MGST2: variants seen among roughly 807,000 people sequenced by gnomAD.
The protein encoded by MGST2 is glutathione peroxidase MGST2.
A neutral mutation model predicts 16.6 loss-of-function variants in MGST2; 9 were observed. That is an observed-to-expected ratio of 0.54 (90% CI 0.33 to 0.95). MGST2 has a LOEUF of 0.95. Among genes scored for constraint, MGST2 ranks in the 40% least tolerant of loss-of-function variants. MGST2 has a pLI of 0.03. For missense variants in MGST2, 159 were observed against 175.1 expected (o/e 0.91, Z 0.52); for synonymous variants, 79 against 68.0 (o/e 1.16, Z -0.79).
intron 1 of MGST2, among the ~76,000 whole-genome samples, chr4:139,677,360 C>T (rs985812361): frequency 1.1e-4 from 17 of 152,162 alleles, no homozygotes; most frequent in Non-Finnish European, 2.4e-4. Flanking sequence ...GTAACATGTA[C>T]ATTGGTTTGG....
At chr4:139,752,072 T>A in the MGST2 span, among the ~76,000 whole-genome samples, 1 of 152,196 alleles carries the variant, frequency 6.6e-6, no homozygotes, top group African/African-American at 2.4e-5. Context: ...ACTTTGGGAT[T>A]CGAATTCTAA....
chr4:139,698,152 G>A (rs1366072933), intron 3 of MGST2: 10 of 1,539,882 alleles, frequency 6.5e-6, no homozygotes, highest in South Asian at 4.5e-5. Flanking sequence ...TCTTAAGCAC[G>A]TTCTCCACGT....
the MGST2 span, among the ~76,000 whole-genome samples, chr4:139,748,415 G>A: frequency 6.6e-6 from 1 of 152,204 alleles, no homozygotes; most frequent in Non-Finnish European, 1.5e-5. Context: ...GGAAAGAAGT[G>A]GAGCTCAGAT....
At chr4:139,718,496 CAGA>C (rs905035629) in intron 5 of MGST2, 115 of 152,386 alleles carry the variant, frequency 7.5e-4, no homozygotes, top group African/African-American at 2.7e-3. Context: ...CTGCGGCCGC[CAGA>C]AGTAGATGTG....
At chr4:139,723,272 G>A (rs899046930) in intron 5 of MGST2, among the ~76,000 whole-genome samples, 1 of 152,160 alleles carries the variant, frequency 6.6e-6, no homozygotes, top group Non-Finnish European at 1.5e-5. Context: ...TCTCTGGATG[G>A]TGGGATTTCA....
chr4:139,731,947 A>C (rs1266765406), intron 5 of MGST2, among the ~76,000 whole-genome samples: 8 of 152,222 alleles, frequency 5.3e-5, no homozygotes, highest in African/African-American at 1.9e-4. Context: ...ACTACCTAGC[A>C]GTGGCAAGTA....
intron 3 of MGST2, among the ~76,000 whole-genome samples, chr4:139,699,991 C>CA (rs1210721079): frequency 1.3e-5 from 2 of 152,032 alleles, no homozygotes; most frequent in African/African-American, 4.8e-5. Flanking sequence ...ATGACAGTGC[C>CA]ACTGCACTCC....
downstream of MGST2, among the ~76,000 whole-genome samples, chr4:139,704,713 G>A (rs1286656741): frequency 6.6e-6 from 1 of 152,172 alleles, no homozygotes; most frequent in African/African-American, 2.4e-5. Context: ...ACAAGGTCAG[G>A]AGATCGAGAC....
intron 2 of MGST2, among the ~76,000 whole-genome samples, chr4:139,689,552 G>A (rs1726449476): frequency 6.6e-6 from 1 of 152,206 alleles, no homozygotes; most frequent in Admixed American, 6.5e-5. Flanking sequence ...TCCAAAGTCA[G>A]AAGACCAAGG....
chr4:139,730,267 T>C (rs1453022430), intron 5 of MGST2: 1 of 707,630 alleles, frequency 1.4e-6, no homozygotes, highest in African/African-American at 1.8e-5. Context: ...AAGGTCTAAA[T>C]TCTTCAGGTT....
intron 2 of MGST2, among the ~76,000 whole-genome samples, chr4:139,691,044 G>C (rs1726546198): frequency 6.6e-6 from 1 of 152,154 alleles, no homozygotes; most frequent in South Asian, 2.1e-4. Context: ...TCAGTCCCAG[G>C]CAAACCAAGA....
chr4:139,704,343 G>A (rs1727434314), downstream of MGST2: 6 of 643,272 alleles, frequency 9.3e-6, no homozygotes, highest in Non-Finnish European at 1.6e-5. Context: ...ATCATCAGTG[G>A]AAGTGTGTTG....
intron 5 of MGST2, among the ~76,000 whole-genome samples, chr4:139,709,379 G>A (rs1017469712): frequency 6.6e-6 from 1 of 151,980 alleles, no homozygotes; most frequent in Non-Finnish European, 1.5e-5. Context: ...CATCACGCCC[G>A]GCCAGACAAT....
rs979087517 is a variant in MGST2, at chr4:139,735,625, C to A, written c.*49-4587C>A. Among the ~76,000 whole-genome samples the A allele has an allele frequency of 1.3e-5, 2 of 152,230 alleles. No individual in the cohort carries two copies. The highest frequency in any genetic ancestry group is 4.8e-5 in the African/African-American group (2 of 41,458). The stretch of plus-strand genomic sequence containing the variant: ...CCGCTGCTTCGGCTCAGAGTCCTTG[C>A]AATCGCTTGGCCTACGAACAACCTA... On this transcript the variant is annotated intron_variant, in intron 5 of 5. Transcript: ENST00000616265. This position sits in a 1 kb window ranked among gnomAD's most constrained non-coding sequence, Gnocchi z 5.8.
At chr4:139,691,697 G>GATTATTATTATTATTATT (rs3841989) in intron 2 of MGST2, among the ~76,000 whole-genome samples, 3 of 137,458 alleles carry the variant, frequency 2.2e-5, no homozygotes, top group African/African-American at 9.4e-5. Context: ...TGATGATGAT[G>GATTATTATTATTATTATT]ATTATTATTA....
chr4:139,718,941 G>A (rs1172871082), intron 5 of MGST2: 2 of 182,792 alleles, frequency 1.1e-5, no homozygotes, highest in East Asian at 1.5e-4. Flanking sequence ...CCCGACCTGG[G>A]GCAGGAGGGG....
intron 3 of MGST2, among the ~76,000 whole-genome samples, chr4:139,697,159 T>C (rs1381541815): frequency 6.6e-6 from 1 of 152,110 alleles, no homozygotes; most frequent in African/African-American, 2.4e-5. Context: ...TCCTTAAGGC[T>C]CAGGGGGTTA....
chr4:139,718,796 T>TA (rs1374666712), intron 5 of MGST2: 1 of 156,022 alleles, frequency 6.4e-6, no homozygotes, highest in Non-Finnish European at 1.4e-5. Flanking sequence ...CTCAAAGCCT[T>TA]ACATCTCTCG....
In MGST2 at chr4:139,720,718, T is replaced by G. The variant is rs534361425; in HGVS notation, c.*48+16522T>G. 2.6e-5 allele frequency among the ~76,000 whole-genome samples: 4 copies of G among 152,368 alleles called. No homozygotes were observed. The South Asian group carries it at 8.3e-4, about 32-fold the overall frequency. ...TTCAGAAGCAAATTATTTCGTACTC[T>G]TATAGGTATGACATCATCCTCAACC... is the stretch of plus-strand genomic sequence containing the variant. On this transcript the variant is annotated intron_variant, in intron 5 of 5. Transcript: ENST00000616265.
Sources: allele counts gnomAD v4.1 joint callset (sites outside exome capture counted in the v4.1 genomes callset), GRCh38; gene constraint gnomAD v4.1.1; non-coding constraint Gnocchi (gnomAD v3.1); transcripts MANE v1.5; gene names NCBI Gene and HGNC (gene_info 2026-07-23, HGNC 2026-07-21).